MARCHF1: variants seen among roughly 807,000 people sequenced by gnomAD.
MARCHF1 encodes E3 ubiquitin-protein ligase MARCHF1.
MARCHF1 carries 40 observed loss-of-function variants against 54.2 expected under a neutral mutation model. The ratio of observed to expected loss-of-function variants is 0.74; its 90% CI spans 0.57 to 0.96. The LOEUF (loss-of-function observed/expected upper bound fraction) is 0.96, where lower values mean the gene tolerates loss of function less well. Among genes scored for constraint, MARCHF1 ranks in the 40% least tolerant of loss-of-function variants. The pLI is 0.00. For synonymous variants in MARCHF1, 236 were observed against 236.3 expected (o/e 1.00, Z 0.01); for missense variants, 586 against 656.5 (o/e 0.89, Z 1.17).
At chr4:163,821,274 T>C (rs1748685754) in intron 4 of MARCHF1, among the ~76,000 whole-genome samples, 1 of 152,022 alleles carries the variant, frequency 6.6e-6, no homozygotes, top group Non-Finnish European at 1.5e-5. Flanking sequence ...GTATTCACTT[T>C]TGGCCCAACT....
chr4:164,135,763 T>A (rs1404985249), intron 1 of MARCHF1, among the ~76,000 whole-genome samples: 2 of 152,222 alleles, frequency 1.3e-5, no homozygotes, highest in Non-Finnish European at 2.9e-5. Context: ...TTGATACTGA[T>A]GGAGATAATT....
chr4:163,765,604 A>G lies in MARCHF1; in HGVS notation c.112-64741T>C, dbSNP rs538880505. Among the ~76,000 whole-genome samples, 4 of 152,128 alleles carry G rather than the reference A, an allele frequency of 2.6e-5. No homozygotes were observed. The South Asian group carries it at 6.2e-4, about 24-fold the overall frequency. On this transcript the variant is annotated intron_variant, in intron 4 of 9. Transcript: ENST00000514618. ...TGTGCTACACATTCTTGACATCAGT[A>G]GTTTATAAATAAATATATAGAGAGA...
chr4:163,691,991 C>T (rs1383988695), intron 5 of MARCHF1, among the ~76,000 whole-genome samples: 1 of 152,136 alleles, frequency 6.6e-6, no homozygotes, highest in Non-Finnish European at 1.5e-5. Context: ...TGCTTTTCCT[C>T]AAGAGAGGGT....
At chr4:164,268,384 A>G (rs1299508213) in intron 1 of MARCHF1, among the ~76,000 whole-genome samples, 1 of 152,156 alleles carries the variant, frequency 6.6e-6, no homozygotes, top group African/African-American at 2.4e-5. Flanking sequence ...AGGAGTGAAG[A>G]GGAGGTCTTT....
In MARCHF1 at chr4:164,333,714, G is replaced by A. The variant is rs369325769; in HGVS notation, c.-323+50156C>T. Among the ~76,000 whole-genome samples the A allele has an allele frequency of 5.9e-5, 9 of 152,302 alleles. No homozygotes were observed. The East Asian group carries it at 9.6e-4, about 16-fold the overall frequency. ...GGCCTCTAAGTGTTTAAGAGAAAGG[G>A]TCACTGTCTCTCACTTGAAATCAAA... On this transcript the variant is annotated intron_variant, in intron 1 of 9. Coordinates refer to ENST00000514618, the MANE Select transcript of MARCHF1 (RefSeq NM_001394959.1).
chr4:163,989,282 G>A (rs1326983061), intron 2 of MARCHF1, among the ~76,000 whole-genome samples: 1 of 106,494 alleles, frequency 9.4e-6, no homozygotes, highest in African/African-American at 3.2e-5. Context: ...ATCGAATGAG[G>A]TGTTGAGAGA....
intron 1 of MARCHF1, among the ~76,000 whole-genome samples, chr4:164,238,200 C>T (rs749212696): frequency 5.9e-5 from 9 of 151,938 alleles, no homozygotes; most frequent in Non-Finnish European, 1.2e-4. Flanking sequence ...TTCCACTGAG[C>T]GCATAACTGT....
At chr4:164,002,408 A>G (rs1753203086) in intron 2 of MARCHF1, among the ~76,000 whole-genome samples, 1 of 151,806 alleles carries the variant, frequency 6.6e-6, no homozygotes, top group African/African-American at 2.4e-5. Context: ...TTTTGATATT[A>G]AAAATACCAT....
intron 3 of MARCHF1, among the ~76,000 whole-genome samples, chr4:163,914,000 T>G (rs1221879658): frequency 1.3e-5 from 2 of 152,296 alleles, no homozygotes; most frequent in East Asian, 3.9e-4. Context: ...TATTCTTTTT[T>G]TTTTTTCTTT....
chr4:163,721,823 G>A (rs963007206), intron 4 of MARCHF1, among the ~76,000 whole-genome samples: 2 of 152,120 alleles, frequency 1.3e-5, no homozygotes, highest in African/African-American at 2.4e-5. Context: ...GCGTAGAGGT[G>A]TTTGTGGTAT....
At chr4:163,542,008 C>T (rs921088997) in intron 9 of MARCHF1, among the ~76,000 whole-genome samples, 10 of 152,206 alleles carry the variant, frequency 6.6e-5, no homozygotes, top group African/African-American at 1.9e-4. Context: ...AGAGCTGTCC[C>T]GCTGGCAAGC....
At chr4:163,767,037 T>C (rs1746997131) in intron 4 of MARCHF1, among the ~76,000 whole-genome samples, 1 of 149,374 alleles carries the variant, frequency 6.7e-6, no homozygotes. Context: ...CTCATTTAAT[T>C]CCCATAAAAA....
intron 1 of MARCHF1, among the ~76,000 whole-genome samples, chr4:164,176,156 C>G (rs1416849265): frequency 1.3e-5 from 2 of 152,180 alleles, no homozygotes; most frequent in East Asian, 3.9e-4. Flanking sequence ...GAAAATCCCT[C>G]ATAACATCTC....
intron 5 of MARCHF1, among the ~76,000 whole-genome samples, chr4:163,618,036 C>T (rs907681077): frequency 6.6e-6 from 1 of 152,138 alleles, no homozygotes; most frequent in African/African-American, 2.4e-5. Context: ...TTTTTCTGTC[C>T]ACCATCACAG....
chr4:164,072,622 T>C (rs1388666322), intron 2 of MARCHF1, among the ~76,000 whole-genome samples: 2 of 151,770 alleles, frequency 1.3e-5, no homozygotes, highest in Non-Finnish European at 2.9e-5. Flanking sequence ...TCTCATTATT[T>C]TCCTCTCCCT....
At chr4:164,351,239 T>G (rs1466319733) in intron 1 of MARCHF1, among the ~76,000 whole-genome samples, 8 of 148,896 alleles carry the variant, frequency 5.4e-5, no homozygotes, top group East Asian at 2.0e-4. Flanking sequence ...GCCTGGAAGC[T>G]CCAACTGGGT....
At chr4:163,747,370 C>T (rs946690274) in intron 4 of MARCHF1, among the ~76,000 whole-genome samples, 6 of 152,136 alleles carry the variant, frequency 3.9e-5, no homozygotes, top group Non-Finnish European at 5.9e-5. Flanking sequence ...ATGGAACTCC[C>T]GTTTAGGTCT....
In MARCHF1 at chr4:163,638,940, G is replaced by C. The variant is rs117200132; in HGVS notation, c.163-25547C>G. 4.9e-4 allele frequency among the ~76,000 whole-genome samples: 75 copies of C among 152,218 alleles called. 2 individuals are homozygous for C. In the East Asian group the frequency reaches 0.014, roughly 28 times the overall value. Reference sequence around the variant, plus strand: ...AAACAAAATAAGCCATTCACAAAAAGTCACATATAAGTCTATGATTTTACT... The same window carrying C: ...AAACAAAATAAGCCATTCACAAAAACTCACATATAAGTCTATGATTTTACT... On this transcript the variant is annotated intron_variant, in intron 5 of 9. Coordinates refer to ENST00000514618, the MANE Select transcript of MARCHF1 (RefSeq NM_001394959.1).
chr4:163,904,106 A>T (rs759856912), intron 3 of MARCHF1, among the ~76,000 whole-genome samples: 4 of 152,168 alleles, frequency 2.6e-5, no homozygotes, highest in Non-Finnish European at 4.4e-5. Flanking sequence ...CTTAACTGTG[A>T]CTAATAATAT....
Sources: gnomAD v4.1 joint callset for allele counts (sites outside exome capture counted in the v4.1 genomes callset) on GRCh38, gnomAD v4.1.1 for gene constraint, MANE v1.5 for transcripts, NCBI Gene and HGNC (gene_info 2026-07-23, HGNC 2026-07-21) for gene names.